Variants in EPS8 observed in about 807,000 individuals in gnomAD.
EPS8 encodes the protein epidermal growth factor receptor kinase substrate 8.
EPS8 carries 42 observed loss-of-function variants against 103.8 expected under a neutral mutation model. That is an observed-to-expected ratio of 0.40 (90% confidence interval 0.32 to 0.52). The LOEUF is 0.52. EPS8 is among the 20% of genes least tolerant of loss of function. EPS8 has a pLI of 0.40. For missense variants in EPS8, 969 were observed against 1,005.1 expected (o/e 0.96, Z 0.49); for synonymous variants, 344 against 344.6 (o/e 1.00, Z 0.02).
At chr12:15,692,090 C>T (rs1946180338) in intron 1 of EPS8, among the ~76,000 whole-genome samples, 2 of 152,110 alleles carry the variant, frequency 1.3e-5, no homozygotes, top group Non-Finnish European at 2.9e-5. Context: ...TTGTGTATCC[C>T]CTTCACGTTC....
intron 1 of EPS8, among the ~76,000 whole-genome samples, chr12:15,707,804 T>C (rs937308086): frequency 6.6e-6 from 1 of 152,200 alleles, no homozygotes; most frequent in Admixed American, 6.5e-5. Context: ...CATTAGACTC[T>C]CTCCTTACAA....
Position 15,668,131 on chromosome 12 carries a change from C to T in EPS8, c.516+1256G>A, listed in dbSNP as rs906602817. Among the ~76,000 whole-genome samples the T allele has an allele frequency of 2.6e-5, 4 of 152,012 alleles. No individual in the cohort carries two copies. In the East Asian group the frequency reaches 5.8e-4, roughly 22 times the overall value. On this transcript the variant is annotated intron_variant, in intron 6 of 20. Coordinates refer to ENST00000281172, the MANE Select transcript of EPS8 (RefSeq NM_004447.6). ...TATTGACTGAATATATCTAACCTTA[C>T]AAAAATTATAATATACTATGACTTT...
In EPS8 at chr12:15,679,860, T is replaced by C. The variant is rs574513013; in HGVS notation, c.136+1366A>G. On this transcript the variant is annotated intron_variant, in intron 3 of 20. Transcript: ENST00000281172. ...CATACTTAATAAATACTGCACTTAA[T>C]AAATATCTGTCTAGAAATGAAAGAC... is the stretch of plus-strand genomic sequence containing the variant. Among the ~76,000 whole-genome samples the C allele has an allele frequency of 2.0e-5, 3 of 152,352 alleles. No homozygotes were observed. The East Asian group carries it at 5.8e-4, about 29-fold the overall frequency.
At chr12:15,655,917 C>T (rs1037138510) in intron 12 of EPS8, among the ~76,000 whole-genome samples, 4 of 152,242 alleles carry the variant, frequency 2.6e-5, no homozygotes, top group East Asian at 1.9e-4. Context: ...GTAAAATGTC[C>T]GGGGCCCTGT....
chr12:15,720,937 A>C (rs1008562927), intron 1 of EPS8, among the ~76,000 whole-genome samples: 1 of 151,312 alleles, frequency 6.6e-6, no homozygotes, highest in Non-Finnish European at 1.5e-5. Flanking sequence ...AACCTAACCC[A>C]CCCTCTTGCA....
chr12:15,638,986 T>C (rs560800991), intron 17 of EPS8, among the ~76,000 whole-genome samples: 4 of 152,350 alleles, frequency 2.6e-5, no homozygotes, highest in Non-Finnish European at 4.4e-5. Flanking sequence ...AAAATTCCTA[T>C]TATAGAATTC....
chr12:15,651,939 T>C (rs1039718093), intron 13 of EPS8, among the ~76,000 whole-genome samples: 2 of 152,182 alleles, frequency 1.3e-5, no homozygotes, highest in Non-Finnish European at 1.5e-5. Context: ...GTTTTTTGAA[T>C]GTTAATTAAT....
chr12:15,623,231 T>A lies in EPS8; in HGVS notation c.2282A>T (p.Asp761Val). 1 of 1,612,990 alleles carries A rather than the reference T, an allele frequency of 6.2e-7. No homozygotes were observed. The highest frequency in any genetic ancestry group is 8.5e-7 in the Non-Finnish European group (1 of 1,179,520). ...TTCAGGGCAGACTGTCCTCAGTTCA[T>A]CCTTATTGAGAGAGAAAAGTTGTGC... ...NGAQLFSLNKDELRTVCPEGA... is the reference protein window; with the variant it reads ...NGAQLFSLNKVELRTVCPEGA... Residue 761 changes from aspartate to valine, a missense_variant, in exon 20 of 21, where the codon GAT becomes GTT. Asp to Val is a radical substitution (Grantham distance 152). Coordinates refer to ENST00000281172, the MANE Select transcript of EPS8 (RefSeq NM_004447.6).
At position 15,714,704 on chromosome 12, in the gene EPS8, G is replaced by GA. The variant is rs1395219073; in HGVS notation, c.-21-31733_-21-31732insT. Among the ~76,000 whole-genome samples the GA allele has an allele frequency of 6.6e-6, 1 of 152,142 alleles. No individual in the cohort carries two copies. Among genetic ancestry groups the GA allele is most frequent in the Non-Finnish European group, 1.5e-5 (1 of 68,024 alleles). On this transcript the variant is annotated intron_variant, in intron 1 of 20. Coordinates refer to ENST00000281172, the MANE Select transcript of EPS8 (RefSeq NM_004447.6). This position sits in a 1 kb window ranked among gnomAD's most constrained non-coding sequence, Gnocchi z 4.1. ...TTGTTGCCAGTGCAGTATTCTTGGG[G>GA]CAAATGGGAAATGGGTAAAAAACAA...
chr12:15,629,893 T>C (rs1317202694), intron 18 of EPS8, among the ~76,000 whole-genome samples: 1 of 152,048 alleles, frequency 6.6e-6, no homozygotes, highest in African/African-American at 2.4e-5. Context: ...AGAAAAACAG[T>C]AGGATGAAAA....
chr12:15,773,056 T>C (rs1037357940), intron 1 of EPS8, among the ~76,000 whole-genome samples: 1 of 152,082 alleles, frequency 6.6e-6, no homozygotes, highest in Non-Finnish European at 1.5e-5. Context: ...GAGGAAACCA[T>C]AGACATTAAG....
chr12:15,732,527 A>C (rs1946728193), intron 1 of EPS8, among the ~76,000 whole-genome samples: 2 of 152,222 alleles, frequency 1.3e-5, no homozygotes, highest in Non-Finnish European at 2.9e-5. Context: ...TGCATGCCCA[A>C]AACTAAACAG....
intron 3 of EPS8, among the ~76,000 whole-genome samples, chr12:15,679,151 T>C (rs1302632589): frequency 6.6e-6 from 1 of 152,154 alleles, no homozygotes; most frequent in African/African-American, 2.4e-5. Context: ...ATTTGCCATA[T>C]TACTTAAATC....
In EPS8 at chr12:15,621,216, A is replaced by T; in HGVS notation, c.*101T>A. ...GGGTTTTTTTTTATGGTGATAAATT[A>T]CATCAAGAAAAATGAATCTGACATT... On this transcript the variant is annotated 3_prime_UTR_variant, in exon 21 of 21. Transcript: ENST00000281172. The T allele has an allele frequency of 1.7e-6, 1 of 571,490 alleles. No homozygotes were observed. Among genetic ancestry groups the T allele is most frequent in the Non-Finnish European group, 2.9e-6 (1 of 344,418 alleles). 35.4% of individuals were successfully genotyped at this position (571,490 alleles called of 1,614,324 possible).
chr12:15,645,636 G>A (rs954471117), intron 15 of EPS8, among the ~76,000 whole-genome samples: 2 of 152,074 alleles, frequency 1.3e-5, no homozygotes, highest in Non-Finnish European at 2.9e-5. Context: ...CTGTGGTAAG[G>A]TGCCCAAAAT....
intron 1 of EPS8, among the ~76,000 whole-genome samples, chr12:15,719,096 G>C (rs1029816501): frequency 6.6e-6 from 1 of 151,986 alleles, no homozygotes; most frequent in African/African-American, 2.4e-5. Flanking sequence ...TGCTGATAAG[G>C]TGTCCTCTTA....
intron 18 of EPS8, among the ~76,000 whole-genome samples, chr12:15,626,305 A>T (rs1177658726): frequency 6.6e-6 from 1 of 152,020 alleles, no homozygotes; most frequent in Admixed American, 6.6e-5. Flanking sequence ...ATTTCTCTTC[A>T]TTCTCTTCTC....
rs1201279457 is a variant in EPS8, at chr12:15,784,407, T to C, written c.-22+4754A>G. ...AAAAGATGTTAACATCATATGTCATTAGGAAATAGTAAATTAAAGTAACAA... is the reference window on the plus strand; with the variant it reads ...AAAAGATGTTAACATCATATGTCATCAGGAAATAGTAAATTAAAGTAACAA... On this transcript the variant is annotated intron_variant, in intron 1 of 20. Transcript: ENST00000281172. The surrounding 1 kb of genome is among the most constrained non-coding windows in gnomAD (Gnocchi z 4.0). Among the ~76,000 whole-genome samples, 2 of 152,138 alleles carry C rather than the reference T, an allele frequency of 1.3e-5. No homozygotes were observed. The highest frequency in any genetic ancestry group is 2.9e-5 in the Non-Finnish European group (2 of 67,988).
chr12:15,646,837 G>A (rs1455316556), intron 15 of EPS8, among the ~76,000 whole-genome samples: 1 of 152,206 alleles, frequency 6.6e-6, no homozygotes, highest in Admixed American at 6.5e-5. Flanking sequence ...CTAATGGAGG[G>A]TTTCAAGACA....
Sources: allele counts gnomAD v4.1 joint callset (sites outside exome capture counted in the v4.1 genomes callset), GRCh38; gene constraint gnomAD v4.1.1; non-coding constraint Gnocchi (gnomAD v3.1); transcripts MANE v1.5; gene names NCBI Gene and HGNC (gene_info 2026-07-23, HGNC 2026-07-21).